The following PLCL1 variants were observed in gnomAD, a reference collection of about 807,000 sequenced individuals.
PLCL1 encodes inactive phospholipase C-like protein 1.
A neutral mutation model predicts 84.4 loss-of-function variants in PLCL1; 41 were observed. That is an observed-to-expected ratio of 0.49 (90% CI 0.38 to 0.63). The LOEUF is 0.63. Ranked by LOEUF, PLCL1 falls within the 30% of genes least tolerant of loss-of-function variation. PLCL1 has a pLI of 0.00. For synonymous variants in PLCL1, 490 were observed against 488.3 expected (o/e 1.00, Z -0.05); for missense variants, 1,206 against 1,367.8 (o/e 0.88, Z 1.87).
chr2:197,876,236 A>G (rs954660130), intron 1 of PLCL1, among the ~76,000 whole-genome samples: 34 of 152,278 alleles, frequency 2.2e-4, no homozygotes, highest in African/African-American at 7.9e-4. Flanking sequence ...CACAAACGTG[A>G]TAAGTGAAAT....
chr2:197,897,188 TCTC>T (rs1344681491), intron 1 of PLCL1, among the ~76,000 whole-genome samples: 6,289 of 40,168 alleles, frequency 0.16, 659 homozygotes, highest in Middle Eastern at 0.19. Flanking sequence ...TTCTTCTTCT[TCTC>T]CTTCTCCTTC....
intron 1 of PLCL1, among the ~76,000 whole-genome samples, chr2:197,896,949 T>C (rs1574937056): frequency 6.6e-6 from 1 of 152,028 alleles, no homozygotes; most frequent in South Asian, 2.1e-4. Context: ...AGAAAGAAGA[T>C]AAAAACCCCT....
chr2:198,001,355 T>G (rs1370927339), intron 1 of PLCL1, among the ~76,000 whole-genome samples: 1 of 152,174 alleles, frequency 6.6e-6, no homozygotes, highest in African/African-American at 2.4e-5. Context: ...CACAGAAAAC[T>G]ACACACAAGA....
At chr2:197,865,799 G>A (rs112093478) in intron 1 of PLCL1, among the ~76,000 whole-genome samples, 2,183 of 151,322 alleles carry the variant, frequency 0.014, 61 homozygotes, top group African/African-American at 0.05. Flanking sequence ...GATCACTTGA[G>A]CTCAGGAGTT....
At chr2:198,034,635 ATTCT>A (rs1691512288) in intron 1 of PLCL1, among the ~76,000 whole-genome samples, 1 of 152,228 alleles carries the variant, frequency 6.6e-6, no homozygotes. Flanking sequence ...AAACAAGGAC[ATTCT>A]CTTGTATTAT....
intron 5 of PLCL1, among the ~76,000 whole-genome samples, chr2:198,106,090 A>G: frequency 6.6e-6 from 1 of 151,930 alleles, no homozygotes; most frequent in East Asian, 1.9e-4. Context: ...ACTCACACCA[A>G]CTCAGTATCG....
chr2:198,079,950 G>A (rs757359836), intron 1 of PLCL1, among the ~76,000 whole-genome samples: 13 of 152,198 alleles, frequency 8.5e-5, no homozygotes, highest in Non-Finnish European at 1.3e-4. Context: ...GTTGTAAGCT[G>A]CTCAAAGAGA....
chr2:197,920,107 T>G (rs974380186), intron 1 of PLCL1, among the ~76,000 whole-genome samples: 2 of 152,166 alleles, frequency 1.3e-5, no homozygotes, highest in African/African-American at 4.8e-5. Flanking sequence ...GTTTATCCAT[T>G]GGTCTTTTTG....
chr2:197,828,887 T>C (rs188070290), intron 1 of PLCL1, among the ~76,000 whole-genome samples: 10 of 152,322 alleles, frequency 6.6e-5, no homozygotes, highest in East Asian at 3.9e-4. Flanking sequence ...CTTGAATCCA[T>C]TGCAGTTCTT....
chr2:198,082,351 G>GTTCAAGCT (rs1163584371), intron 1 of PLCL1, among the ~76,000 whole-genome samples: 18 of 152,224 alleles, frequency 1.2e-4, no homozygotes, highest in African/African-American at 4.1e-4. Context: ...GGCTGAGGCA[G>GTTCAAGCT]GAGAATCGCT....
chr2:198,067,087 T>C (rs534170102), intron 1 of PLCL1, among the ~76,000 whole-genome samples: 1 of 152,058 alleles, frequency 6.6e-6, no homozygotes, highest in Admixed American at 6.6e-5. Context: ...TTCCAAAATA[T>C]GAAGAATTTT....
At chr2:198,070,877 T>C (rs951023689) in intron 1 of PLCL1, 2 of 152,546 alleles carry the variant, frequency 1.3e-5, no homozygotes, top group Non-Finnish European at 2.9e-5. Flanking sequence ...TGTGCAAATA[T>C]CTTTAATATG....
chr2:198,091,176 C>A (rs1354536430), intron 3 of PLCL1, among the ~76,000 whole-genome samples: 1 of 152,078 alleles, frequency 6.6e-6, no homozygotes, highest in African/African-American at 2.4e-5. Context: ...TGATTAAAAA[C>A]ACCATTGACA....
At chr2:197,925,222 G>A (rs2105760561) in intron 1 of PLCL1, among the ~76,000 whole-genome samples, 1 of 152,220 alleles carries the variant, frequency 6.6e-6, no homozygotes, top group East Asian at 1.9e-4. Context: ...GTGATAAAGT[G>A]AAAAATATAA....
At chr2:197,927,652 G>T (rs1688856167) in intron 1 of PLCL1, among the ~76,000 whole-genome samples, 1 of 152,198 alleles carries the variant, frequency 6.6e-6, no homozygotes. Flanking sequence ...CTGGTTTCCA[G>T]ATTTAGAAAC....
intron 1 of PLCL1, among the ~76,000 whole-genome samples, chr2:197,901,622 C>T (rs1215935054): frequency 6.6e-6 from 1 of 152,080 alleles, no homozygotes; most frequent in Non-Finnish European, 1.5e-5. Flanking sequence ...AAGGATATTT[C>T]CAACTGAGAG....
chr2:197,941,876 C>T (rs1366414097), intron 1 of PLCL1, among the ~76,000 whole-genome samples: 2 of 152,080 alleles, frequency 1.3e-5, no homozygotes, highest in African/African-American at 4.8e-5. Context: ...CTAAGCTTAG[C>T]TACCCACAGA....
intron 1 of PLCL1, among the ~76,000 whole-genome samples, chr2:198,055,206 G>A (rs1306901410): frequency 6.6e-6 from 1 of 151,298 alleles, no homozygotes; most frequent in Non-Finnish European, 1.5e-5. Context: ...CTGTTTTGTA[G>A]GAACTTGGGG....
intron 1 of PLCL1, among the ~76,000 whole-genome samples, chr2:197,913,827 G>A (rs1445194921): frequency 6.6e-6 from 1 of 152,050 alleles, no homozygotes; most frequent in Non-Finnish European, 1.5e-5. Context: ...ACCCCATGGT[G>A]GAGGCAAAGT....
Sources: gnomAD v4.1 joint callset for allele counts (sites outside exome capture counted in the v4.1 genomes callset) on GRCh38, gnomAD v4.1.1 for gene constraint, MANE v1.5 for transcripts, NCBI Gene and HGNC (gene_info 2026-07-23, HGNC 2026-07-21) for gene names.